The following ZNF701 variants were observed in gnomAD, a reference collection of about 807,000 sequenced individuals.
ZNF701 encodes the protein zinc finger protein 701.
ZNF701 carries 6 observed loss-of-function variants against 7.1 expected under a neutral mutation model. The ratio of observed to expected loss-of-function variants is 0.84; its 90% CI spans 0.46 to 1.66. The LOEUF (loss-of-function observed/expected upper bound fraction) is 1.66. Ranked by LOEUF, ZNF701 falls within the 40% of genes most tolerant of loss-of-function variation. The pLI is 0.01. For synonymous variants in ZNF701, 166 were observed against 188.2 expected, an observed-to-expected ratio of 0.88 and a Z score of 0.97; for missense variants, 541 against 559.2, an observed-to-expected ratio of 0.97 and a Z score of 0.33.
At chr19:52,575,429 G>A (rs1425798469) in intron 2 of ZNF701, among the ~76,000 whole-genome samples, 1 of 148,128 alleles carries the variant, frequency 6.8e-6, no homozygotes, top group Non-Finnish European at 1.5e-5. Context: ...TTTTTTGTGA[G>A]TGTGTGTAGG....
chr19:52,592,966 G>C, the ZNF701 span, among the ~76,000 whole-genome samples: 3 of 114,892 alleles, frequency 2.6e-5, 1 homozygote, highest in Admixed American at 9.1e-5. Context: ...CTGAGATTAG[G>C]GAGTGGTGAT....
At chr19:52,596,096 C>A in the ZNF701 span, 4 of 1,090,112 alleles carry the variant, frequency 3.7e-6, no homozygotes, top group Admixed American at 3.9e-5. Context: ...ACAAGAAGTA[C>A]ACATGAGGGA....
At chr19:52,598,399 C>A in the ZNF701 span, among the ~76,000 whole-genome samples, 5 of 152,102 alleles carry the variant, frequency 3.3e-5, no homozygotes, top group African/African-American at 1.2e-4. Flanking sequence ...GCAGGCGGGG[C>A]GAGCTCCCCT....
the ZNF701 span, chr19:52,594,201 A>G: frequency 3.1e-3 from 369 of 119,324 alleles, 102 homozygotes; most frequent in Middle Eastern, 8.7e-3. Context: ...GCCTGCAATC[A>G]CAGGCACTCA....
downstream of ZNF701, among the ~76,000 whole-genome samples, chr19:52,588,019 A>C (rs1383051453): frequency 6.6e-6 from 1 of 152,172 alleles, no homozygotes; most frequent in Non-Finnish European, 1.5e-5. Context: ...GGACTTTTCC[A>C]TCAGGGGAGC....
downstream of ZNF701, among the ~76,000 whole-genome samples, chr19:52,590,203 T>C (rs1369934517): frequency 6.6e-6 from 1 of 151,436 alleles, no homozygotes; most frequent in Non-Finnish European, 1.5e-5. Flanking sequence ...CATGCTCAAG[T>C]GCTTCTCCTG....
the ZNF701 span, among the ~76,000 whole-genome samples, chr19:52,593,884 G>A: frequency 8.6e-6 from 1 of 116,886 alleles, no homozygotes; most frequent in African/African-American, 3.3e-5. Flanking sequence ...TGGGCGGCCA[G>A]GCAGAGACGC....
Position 52,572,133 on chromosome 19 carries a change from C to A in ZNF701, c.-72+1803C>A, listed in dbSNP as rs182758051. 7.3e-4 allele frequency: 218 copies of A among 300,016 alleles called. 1 individual carries two copies. Among genetic ancestry groups the A allele is most frequent in the African/African-American group, 4.7e-3 (205 of 43,554 alleles). 18.6% of individuals were successfully genotyped at this position (300,016 alleles called of 1,614,324 possible). A position where few individuals can be genotyped will look rare whatever the true frequency, so the allele number is the denominator to read the frequency against. On this transcript the variant is annotated intron_variant, in intron 1 of 3. Coordinates refer to ENST00000391785, the MANE Select transcript of ZNF701 (RefSeq NM_018260.3). ...CCACCGAGCCCGGCCTACTCACCACCACCTTTACCTCCCGGTTTTAAGCGA... is the reference window on the plus strand; with the variant it reads ...CCACCGAGCCCGGCCTACTCACCACAACCTTTACCTCCCGGTTTTAAGCGA...
At chr19:52,596,079 C>T in the ZNF701 span, 2 of 1,207,658 alleles carry the variant, frequency 1.7e-6, no homozygotes, top group African/African-American at 3.0e-5. Context: ...TCATTATTCA[C>T]ACAAATACAA....
chr19:52,576,703 C>A lies in ZNF701; in HGVS notation c.142+682C>A, dbSNP rs192886591. ...ATTCAGAAGGAGGCAGTCAGTGGAG[C>A]AATTAGTAAAATATTTTCCTAGATC... On this transcript the variant is annotated intron_variant, in intron 3 of 3. Transcript: ENST00000391785. Among the ~76,000 whole-genome samples, 148 of 150,558 alleles carry A rather than the reference C, an allele frequency of 9.8e-4. 2 individuals carry two copies. The highest frequency in any genetic ancestry group is 1.1e-3 in the Non-Finnish European group (73 of 68,026).
At chr19:52,581,623 G>T (rs2059976209) in intron 3 of ZNF701, among the ~76,000 whole-genome samples, 1 of 152,016 alleles carries the variant, frequency 6.6e-6, no homozygotes, top group Non-Finnish European at 1.5e-5. Flanking sequence ...AGCAATTCTT[G>T]TGCATCAGCC....
chr19:52,589,647 G>C (rs2060029012), downstream of ZNF701, among the ~76,000 whole-genome samples: 1 of 151,822 alleles, frequency 6.6e-6, no homozygotes, highest in Admixed American at 6.6e-5. Context: ...TCCCAGCTAA[G>C]TTTTGTATTT....
chr19:52,596,707 C>A, the ZNF701 span: 1 of 490,598 alleles, frequency 2.0e-6, no homozygotes, highest in Non-Finnish European at 4.2e-6. Context: ...ACACATTTCA[C>A]GAGTATGGAA....
chr19:52,582,271 C>G lies in ZNF701; in HGVS notation c.212C>G (p.Thr71Arg). 6.2e-7 allele frequency: 1 copy of G among 1,612,794 alleles called. No individual in the cohort carries two copies. Among genetic ancestry groups the G allele is most frequent in the South Asian group, 1.1e-5 (1 of 90,844 alleles). The change falls in exon 4 of 4, where the codon ACA becomes AGA. Residue 71 changes from threonine (T) to arginine (R), a missense_variant. By Grantham distance (71) the Thr-to-Arg change is moderately conservative. Transcript: ENST00000391785. ...TGQGNTEVVH[T>R]GTLQIHASHH... ...CAAGGCAATACAGAAGTGGTCCACA[C>G]AGGGACATTGCAAATACATGCAAGT...
chr19:52,575,778 G>C, intron 2 of ZNF701, 117 bp from the exon 3 acceptor site: 1 of 725,722 alleles, frequency 1.4e-6, no homozygotes, highest in South Asian at 1.9e-5. Flanking sequence ...CCCTTACTTG[G>C]ATTTGTCGGA....
downstream of ZNF701, among the ~76,000 whole-genome samples, chr19:52,590,944 A>T (rs2060034404): frequency 6.6e-6 from 1 of 152,040 alleles, no homozygotes; most frequent in African/African-American, 2.4e-5. Flanking sequence ...ATTTCAAAAG[A>T]TTCTCCTGCC....
Position 52,582,160 on chromosome 19 carries a change from T to G in ZNF701, c.143-42T>G, listed in dbSNP as rs368562447. The G allele has an allele frequency of 1.1e-3, 1,594 of 1,496,028 alleles. 2 individuals are homozygous for G. Among genetic ancestry groups the G allele is most frequent in the Non-Finnish European group, 1.2e-3 (1,371 of 1,113,010 alleles). The allele number at this position is 1,496,028 out of a possible 1,614,324, so 92.7% of individuals were successfully genotyped here. On this transcript the variant is annotated intron_variant, in intron 3 of 3. Transcript: ENST00000391785. ...TTACACATTTCAGTATTGTATAACT[T>G]CCGTACTTAATTTGAAACCTATTTG...
chr19:52,571,655 T>C (rs1020140666), intron 1 of ZNF701, among the ~76,000 whole-genome samples: 2 of 151,842 alleles, frequency 1.3e-5, no homozygotes, highest in African/African-American at 2.4e-5. Context: ...CCACCGCACC[T>C]GGCCACCCAA....
In ZNF701 at chr19:52,587,158, AATTAC is replaced by A. The variant is rs1375330796; in HGVS notation, c.*3706_*3710del. 6.6e-6 allele frequency: 1 copy of A among 152,216 alleles called. No individual in the cohort carries two copies. The highest frequency in any genetic ancestry group is 1.5e-5 in the Non-Finnish European group (1 of 68,038). The allele number at this position is 152,216 out of a possible 1,614,324, so 9.4% of individuals were successfully genotyped here. A position where few individuals can be genotyped will look rare whatever the true frequency, so the allele number is the denominator to read the frequency against. ...CCATGTATTTTAAATATGGAAAATAAATTACATTATTTGTAAGTGTTGTAATTTAT... is the reference window on the plus strand; with the variant it reads ...CCATGTATTTTAAATATGGAAAATAAATTATTTGTAAGTGTTGTAATTTAT... On this transcript the variant is annotated 3_prime_UTR_variant, in exon 4 of 4. Transcript: ENST00000391785.
Sources: allele counts gnomAD v4.1 joint callset (sites outside exome capture counted in the v4.1 genomes callset), GRCh38; gene constraint gnomAD v4.1.1; transcripts MANE v1.5; gene names NCBI Gene and HGNC (gene_info 2026-07-23, HGNC 2026-07-21).